The following RAI1 variants were observed in gnomAD, a reference collection of about 807,000 sequenced individuals.
RAI1 encodes the protein retinoic acid induced 1, also known as retinoic acid-induced protein 1.
Under a neutral mutation model 123.8 loss-of-function variants are expected in RAI1, and 9 were observed. That is an observed-to-expected ratio of 0.07 (90% CI 0.04 to 0.13). The LOEUF (loss-of-function observed/expected upper bound fraction) is 0.13. Ranked by LOEUF, RAI1 falls within the 10% of genes least tolerant of loss-of-function variation. The pLI, the probability that RAI1 is intolerant of heterozygous loss-of-function variation, is 1.00. For synonymous variants in RAI1, 1,231 were observed against 1,127.3 expected, an observed-to-expected ratio of 1.09 and a Z score of -1.84; for missense variants, 2,256 against 2,545.8, an observed-to-expected ratio of 0.89 and a Z score of 2.45.
Position 17,681,693 on chromosome 17 carries a change from C to G in RAI1, c.-249C>G, listed in dbSNP as rs1487732730. On this transcript the variant is annotated 5_prime_UTR_variant, in exon 1 of 6. Transcript: ENST00000353383. ...CCCTCCTTCCTGCCTGGCCGCGGGC[C>G]GGCCGGGCCGCCGCGCCCCGACCCC... 1 of 287,854 alleles carries G rather than the reference C, an allele frequency of 3.5e-6. No homozygotes were observed. The highest frequency in any genetic ancestry group is 9.8e-4 in the Middle Eastern group (1 of 1,020). 17.8% of individuals were successfully genotyped at this position (287,854 alleles called of 1,614,324 possible). A position where few individuals can be genotyped will look rare whatever the true frequency, so the allele number is the denominator to read the frequency against.
rs368534542 is a variant in RAI1, at chr17:17,783,184, C to T, written c.-16-9749C>T. ...CCTTCCTCTCTCCTGGCGCCTGCAG[C>T]GACCGGGGACCGGGGGACCGGGGCA... On this transcript the variant is annotated intron_variant, in intron 2 of 5. Coordinates refer to ENST00000353383, the MANE Select transcript of RAI1 (RefSeq NM_030665.4). Among the ~76,000 whole-genome samples the T allele has an allele frequency of 5.3e-5, 8 of 152,198 alleles. No homozygotes were observed. In the East Asian group the frequency reaches 1.4e-3, roughly 26 times the overall value.
At chr17:17,726,284 G>C (rs1344122953) in intron 2 of RAI1, among the ~76,000 whole-genome samples, 1 of 152,190 alleles carries the variant, frequency 6.6e-6, no homozygotes. Context: ...GCTTTGCCCT[G>C]CTCCCCACCC....
rs1358728889 is a variant in RAI1, at chr17:17,685,276, A to G, written c.-149+3483A>G. Among the ~76,000 whole-genome samples the G allele has an allele frequency of 6.6e-6, 1 of 152,212 alleles. No individual in the cohort carries two copies. The highest frequency in any genetic ancestry group is 1.5e-5 in the Non-Finnish European group (1 of 68,028). ...CCAAGGGAACAGGGATTTTCCAAGGACCCACTGTTTCCAAAGTTCTGTGCT... is the reference window on the plus strand; with the variant it reads ...CCAAGGGAACAGGGATTTTCCAAGGGCCCACTGTTTCCAAAGTTCTGTGCT... On this transcript the variant is annotated intron_variant, in intron 1 of 5. Coordinates refer to ENST00000353383, the MANE Select transcript of RAI1 (RefSeq NM_030665.4). The surrounding 1 kb of genome is among the most constrained non-coding windows in gnomAD (Gnocchi z 4.0).
intron 2 of RAI1, among the ~76,000 whole-genome samples, chr17:17,755,395 G>C (rs2030397555): frequency 6.6e-6 from 1 of 152,212 alleles, no homozygotes; most frequent in Non-Finnish European, 1.5e-5. Context: ...AGAGCACTGG[G>C]CACTGGAACC....
intron 2 of RAI1, among the ~76,000 whole-genome samples, chr17:17,788,351 C>G (rs1156345937): frequency 2.6e-5 from 4 of 152,190 alleles, no homozygotes; most frequent in Non-Finnish European, 5.9e-5. Flanking sequence ...CCCCCTTCCT[C>G]CCATTCAAGC....
At chr17:17,742,971 A>G (rs1221170067) in intron 2 of RAI1, among the ~76,000 whole-genome samples, 1 of 151,530 alleles carries the variant, frequency 6.6e-6, no homozygotes, top group Non-Finnish European at 1.5e-5. Context: ...TGCTATTACA[A>G]CTCCCTTCAT....
In RAI1 at chr17:17,741,115, G is replaced by A. The variant is rs960409893; in HGVS notation, c.-17+16956G>A. Among the ~76,000 whole-genome samples, 10 of 149,494 alleles carry A rather than the reference G, an allele frequency of 6.7e-5. No homozygotes were observed. The East Asian group carries it at 7.9e-4, about 12-fold the overall frequency. On this transcript the variant is annotated intron_variant, in intron 2 of 5. Coordinates refer to ENST00000353383, the MANE Select transcript of RAI1 (RefSeq NM_030665.4). The stretch of plus-strand genomic sequence containing the variant: ...CGCACACACACACACACACACACTC[G>A]CGCACGCACACACGCACGCTCACAC...
intron 4 of RAI1, among the ~76,000 whole-genome samples, chr17:17,808,119 C>G (rs2032630442): frequency 6.6e-6 from 1 of 152,138 alleles, no homozygotes. Flanking sequence ...TTGTTCAGAA[C>G]AGTGGCTGGT....
Position 17,809,872 on chromosome 17 carries a change from G to C in RAI1, c.5710-98G>C. On this transcript the variant is annotated intron_variant, in intron 5 of 5. Transcript: ENST00000353383. This position sits in a 1 kb window ranked among gnomAD's most constrained non-coding sequence, Gnocchi z 4.9. ...CCCCAGCCGCGCTCTGGGGTCGCCT[G>C]GGTCTGGGGCTTAGGCGGGGGGCCC... is the stretch of plus-strand genomic sequence containing the variant. The C allele has an allele frequency of 3.3e-6, 5 of 1,528,164 alleles. No individual in the cohort carries two copies. The highest frequency in any genetic ancestry group is 4.4e-6 in the Non-Finnish European group (5 of 1,130,232). The allele number at this position is 1,528,164 out of a possible 1,614,324, so 94.7% of individuals were successfully genotyped here.
intron 2 of RAI1, among the ~76,000 whole-genome samples, chr17:17,787,510 A>C (rs1461277715): frequency 6.6e-6 from 1 of 152,270 alleles, no homozygotes; most frequent in Non-Finnish European, 1.5e-5. Context: ...AACTGATAAT[A>C]GGTGAGCTCC....
chr17:17,798,717 T>C (rs982573203), intron 3 of RAI1, among the ~76,000 whole-genome samples: 2 of 152,076 alleles, frequency 1.3e-5, no homozygotes, highest in African/African-American at 4.8e-5. Context: ...CACACTCACC[T>C]ACCCTGTCCC....
At chr17:17,742,609 T>C (rs1235531143) in intron 2 of RAI1, among the ~76,000 whole-genome samples, 1 of 152,168 alleles carries the variant, frequency 6.6e-6, no homozygotes, top group Admixed American at 6.5e-5. Flanking sequence ...ACAAATAATA[T>C]GCACTCGTTT....
chr17:17,790,862 G>A (rs924112052), intron 2 of RAI1, among the ~76,000 whole-genome samples: 1 of 152,206 alleles, frequency 6.6e-6, no homozygotes, highest in Non-Finnish European at 1.5e-5. Flanking sequence ...CCCTGTGGCA[G>A]TCTGGCCAGG....
At chr17:17,692,024 G>A (rs1218164594) in intron 1 of RAI1, among the ~76,000 whole-genome samples, 1 of 152,222 alleles carries the variant, frequency 6.6e-6, no homozygotes, top group Non-Finnish European at 1.5e-5. Context: ...ACCGTGGCCC[G>A]AAATAGCACT....
intron 2 of RAI1, among the ~76,000 whole-genome samples, chr17:17,730,657 C>T (rs542310704): frequency 6.6e-6 from 1 of 152,368 alleles, no homozygotes; most frequent in South Asian, 2.1e-4. Context: ...TCCTGCAATA[C>T]AAGTGGGGCA....
chr17:17,772,437 C>T (rs1162239822), intron 2 of RAI1, among the ~76,000 whole-genome samples: 1 of 152,168 alleles, frequency 6.6e-6, no homozygotes, highest in African/African-American at 2.4e-5. Context: ...TGCAGACTCC[C>T]CAACACACAT....
chr17:17,687,397 C>T (rs754636074), intron 1 of RAI1, among the ~76,000 whole-genome samples: 8 of 152,216 alleles, frequency 5.3e-5, no homozygotes, highest in South Asian at 2.1e-4. Flanking sequence ...GGACCCAAGT[C>T]ACCCACTCCT....
intron 2 of RAI1, among the ~76,000 whole-genome samples, chr17:17,781,576 G>A (rs1446477745): frequency 6.6e-6 from 1 of 152,168 alleles, no homozygotes; most frequent in African/African-American, 2.4e-5. Flanking sequence ...TGGCCGCAGG[G>A]GAAGGGGCTG....
At chr17:17,766,507 T>C (rs2030938749) in intron 2 of RAI1, among the ~76,000 whole-genome samples, 1 of 152,190 alleles carries the variant, frequency 6.6e-6, no homozygotes, top group African/African-American at 2.4e-5. Context: ...AGACCCAGGG[T>C]GCTCTCTGGG....
Sources: gnomAD v4.1 joint callset for allele counts (sites outside exome capture counted in the v4.1 genomes callset) on GRCh38, gnomAD v4.1.1 for gene constraint, Gnocchi (gnomAD v3.1) non-coding constraint, MANE v1.5 for transcripts, NCBI Gene and HGNC (gene_info 2026-07-23, HGNC 2026-07-21) for gene names.